Variants in NINL observed in about 807,000 individuals in gnomAD.
NINL encodes the protein ninein like.
NINL carries 153 observed loss-of-function variants against 160.3 expected under a neutral mutation model. That is an observed-to-expected ratio of 0.95 (90% confidence interval 0.84 to 1.09). NINL has a LOEUF of 1.09. NINL is among the 50% of genes least tolerant of loss of function. NINL has a pLI of 0.00. For synonymous variants in NINL, 800 were observed against 734.8 expected, an observed-to-expected ratio of 1.09 and a Z score of -1.43; for missense variants, 1,829 against 1,764.0, an observed-to-expected ratio of 1.04 and a Z score of -0.66.
At chr20:25,570,131 G>A (rs2065037720) in intron 1 of NINL, among the ~76,000 whole-genome samples, 1 of 152,186 alleles carries the variant, frequency 6.6e-6, no homozygotes, top group South Asian at 2.1e-4. Context: ...AGTGAGCTGA[G>A]ATTGGGCCAT....
At chr20:25,480,019 A>T in intron 15 of NINL, 142 bp downstream of exon 15, 2 of 650,162 alleles carry the variant, frequency 3.1e-6, no homozygotes, top group Non-Finnish European at 5.5e-6. Context: ...ATTTCTCTAC[A>T]AACTTTCCTC....
chr20:25,507,768 G>T (rs1157563512), intron 5 of NINL, among the ~76,000 whole-genome samples: 1 of 152,202 alleles, frequency 6.6e-6, no homozygotes, highest in African/African-American at 2.4e-5. Flanking sequence ...AAAGGGATGG[G>T]TAAGAAAAGG....
intron 21 of NINL, among the ~76,000 whole-genome samples, chr20:25,460,678 C>T (rs111425406): frequency 4.6e-5 from 7 of 152,304 alleles, no homozygotes; most frequent in African/African-American, 1.7e-4. Flanking sequence ...CCAACAGCGC[C>T]TCAGAAAGCT....
Position 25,463,515 on chromosome 20 carries a change from G to A in NINL, c.3424-974C>T, listed in dbSNP as rs77219314. On this transcript the variant is annotated intron_variant, in intron 19 of 23. Transcript: ENST00000278886. ...AAACGTTCATGAGGGGAACCTGTGAGGGCGCAGTGCAGTGACAGCGGCAGG... is the reference window on the plus strand; with the variant it reads ...AAACGTTCATGAGGGGAACCTGTGAAGGCGCAGTGCAGTGACAGCGGCAGG... 4.0e-3 allele frequency among the ~76,000 whole-genome samples: 609 copies of A among 152,324 alleles called. 1 individual carries two copies. The highest frequency in any genetic ancestry group is 8.0e-3 in the Admixed American group (123 of 15,302).
chr20:25,485,079 T>A (rs564824587), intron 13 of NINL, among the ~76,000 whole-genome samples: 2 of 152,120 alleles, frequency 1.3e-5, no homozygotes, highest in Non-Finnish European at 2.9e-5. Flanking sequence ...GAGGACAACA[T>A]TCCTCAAAAA....
At chr20:25,472,453 G>A (rs1296868597) in intron 17 of NINL, among the ~76,000 whole-genome samples, 3 of 148,498 alleles carry the variant, frequency 2.0e-5, no homozygotes, top group Admixed American at 6.8e-5. Context: ...TGCAACCTCC[G>A]GAGAGGCAAT....
chr20:25,572,625 C>T (rs563221137), intron 1 of NINL, among the ~76,000 whole-genome samples: 27 of 152,234 alleles, frequency 1.8e-4, no homozygotes, highest in African/African-American at 5.3e-4. Flanking sequence ...TGAGTGATAA[C>T]GCCAGAGTTG....
At position 25,577,641 on chromosome 20, in the gene NINL, T is replaced by A. The variant is rs961898895; in HGVS notation, c.-12+7814A>T. The stretch of plus-strand genomic sequence containing the variant: ...CTATATTGACTGATGCTGGTTCTCA[T>A]GTTTAGGGTCTGACACCACCCATGA... On this transcript the variant is annotated intron_variant, in intron 1 of 23. Coordinates refer to ENST00000278886, the MANE Select transcript of NINL (RefSeq NM_025176.6). Among the ~76,000 whole-genome samples, 4 of 152,126 alleles carry A rather than the reference T, an allele frequency of 2.6e-5. No homozygotes were observed. The East Asian group carries it at 5.8e-4, about 22-fold the overall frequency.
At chr20:25,498,443 G>C (rs2063803323) in intron 8 of NINL, 97 bp from the exon 9 acceptor site, 20 of 1,478,022 alleles carry the variant, frequency 1.4e-5, no homozygotes, top group Non-Finnish European at 1.8e-5. Context: ...AGCCCAGCAT[G>C]GCTGTCCCAG....
chr20:25,505,235 C>T (rs370897491), intron 5 of NINL, among the ~76,000 whole-genome samples, 157 bp from the exon 6 acceptor site: 8 of 151,400 alleles, frequency 5.3e-5, no homozygotes, highest in South Asian at 2.1e-4. Flanking sequence ...AGACAAACAC[C>T]GTGAGATCTC....
chr20:25,491,331 T>A lies in NINL; in HGVS notation c.1485+20A>T. ...TCAGGCACCCCCCCAGCTTCCTGGA[T>A]GCCCTGGGGATGCCCCTACCTTCAG... is the stretch of plus-strand genomic sequence containing the variant. On this transcript the variant is annotated intron_variant, in intron 11 of 23. Coordinates refer to ENST00000278886, the MANE Select transcript of NINL (RefSeq NM_025176.6). The A allele has an allele frequency of 1.3e-6, 2 of 1,588,824 alleles. No homozygotes were observed. Among genetic ancestry groups the A allele is most frequent in the South Asian group, 2.2e-5 (2 of 90,186 alleles).
At chr20:25,482,190 C>A in intron 13 of NINL, 90 bp from the exon 14 acceptor site, 2 of 1,461,920 alleles carry the variant, frequency 1.4e-6, no homozygotes, top group Non-Finnish European at 1.8e-6. Context: ...GGGTCCCTTG[C>A]AGGTGAGGTG....
Position 25,476,666 on chromosome 20 carries a change from G to T in NINL, c.2625C>A (p.Ala875=), listed in dbSNP as rs768869718. The change falls in exon 17 of 24, where the codon GCC becomes GCA. Residue 875 remains alanine (A), a synonymous_variant. Transcript: ENST00000278886. Reference sequence around the variant, plus strand: ...CCTGGGCTTGCCTGCGGCGAGGCCCGGCTCCTGCCGCCTCCTCAGACTCTC... The same window carrying T: ...CCTGGGCTTGCCTGCGGCGAGGCCCTGCTCCTGCCGCCTCCTCAGACTCTC... ...DGRESEEAAG[A]GPRRRQAQDT... is the part of the protein sequence containing the mutation. 7 of 1,587,244 alleles carry T rather than the reference G, an allele frequency of 4.4e-6. No homozygotes were observed. The highest frequency in any genetic ancestry group is 3.4e-5 in the Admixed American group (2 of 58,270).
At position 25,458,364 on chromosome 20, in the gene NINL, T is replaced by C. The variant is rs1478072185; in HGVS notation, c.3843+19A>G. ...TCCTCCTCATCTCGTCAGCCATCTCTCGCTGCATCCCCACTTACCCGCTGT... is the reference window on the plus strand; with the variant it reads ...TCCTCCTCATCTCGTCAGCCATCTCCCGCTGCATCCCCACTTACCCGCTGT... On this transcript the variant is annotated intron_variant, in intron 22 of 23. Transcript: ENST00000278886. 1 of 1,604,438 alleles carries C rather than the reference T, an allele frequency of 6.2e-7. No individual in the cohort carries two copies. The highest frequency in any genetic ancestry group is 1.1e-5 in the South Asian group (1 of 91,000).
Position 25,470,108 on chromosome 20 carries a change from T to C in NINL, c.3249-13A>G. ...ATGGAACTCCAGTCTGCGTAAAAAT[T>C]GAGAAAAGACCGGTGAGCACTTGGG... On this transcript the variant is annotated splice_polypyrimidine_tract_variant and intron_variant, in intron 17 of 23. Transcript: ENST00000278886. 6.2e-7 allele frequency: 1 copy of C among 1,609,642 alleles called. No homozygotes were observed. The highest frequency in any genetic ancestry group is 8.5e-7 in the Non-Finnish European group (1 of 1,176,232).
chr20:25,475,958 A>G (rs2063221201), intron 17 of NINL, 85 bp downstream of exon 17: 1 of 1,395,792 alleles, frequency 7.2e-7, no homozygotes, highest in Non-Finnish European at 9.9e-7. Context: ...AGGGCCACAT[A>G]GCACCATTAG....
Position 25,453,526 on chromosome 20 carries a change from G to A in NINL, c.4074C>T (p.Ser1358=). 6.2e-7 allele frequency: 1 copy of A among 1,614,120 alleles called. No individual in the cohort carries two copies. Among genetic ancestry groups the A allele is most frequent in the East Asian group, 2.2e-5 (1 of 44,870 alleles). ...CGCGAACTTTTTCTTCCAAGAGGCG[G>A]CTTTGTTTCTCGGCGCCTCGCTGCT... is the stretch of plus-strand genomic sequence containing the variant. ...EEKQRGAEKQ[S]RLLEEKVRAL... Residue 1358 remains serine, a synonymous_variant, in exon 24 of 24, where the codon AGC becomes AGT. Coordinates refer to ENST00000278886, the MANE Select transcript of NINL (RefSeq NM_025176.6).
At chr20:25,483,460 T>C (rs987752265) in intron 13 of NINL, among the ~76,000 whole-genome samples, 2 of 152,232 alleles carry the variant, frequency 1.3e-5, no homozygotes, top group Admixed American at 6.5e-5. Flanking sequence ...TGGGTAAGGA[T>C]AGGATTCCTT....
chr20:25,490,011 T>C lies in NINL; in HGVS notation c.1486-26A>G, dbSNP rs767850225. The stretch of plus-strand genomic sequence containing the variant: ...CTAGGAGACACAGGCCAGTGGCTCA[T>C]CAGGCTCCTGCAGGACGGAGGGGAT... On this transcript the variant is annotated intron_variant, in intron 11 of 23. Transcript: ENST00000278886. The C allele has an allele frequency of 3.1e-6, 5 of 1,594,342 alleles. No individual in the cohort carries two copies. In the South Asian group the frequency reaches 4.4e-5, roughly 14 times the overall value.
Sources: gnomAD v4.1 joint callset for allele counts (sites outside exome capture counted in the v4.1 genomes callset) on GRCh38, gnomAD v4.1.1 for gene constraint, MANE v1.5 for transcripts, NCBI Gene and HGNC (gene_info 2026-07-23, HGNC 2026-07-21) for gene names.